MACROD2: variants seen among roughly 807,000 people sequenced by gnomAD.
MACROD2 encodes mono-ADP ribosylhydrolase 2.
A neutral mutation model predicts 70.4 loss-of-function variants in MACROD2; 36 were observed. The ratio of observed to expected loss-of-function variants is 0.51; its 90% CI spans 0.39 to 0.68. MACROD2 has a LOEUF of 0.68. Among genes scored for constraint, MACROD2 ranks in the 30% least tolerant of loss-of-function variants. The probability of loss-of-function intolerance (pLI) is 0.00; values close to 1 mark genes in which losing one functional copy is unlikely to be tolerated. For synonymous variants in MACROD2, 172 were observed against 178.8 expected (o/e 0.96, Z 0.30); for missense variants, 496 against 538.4 (o/e 0.92, Z 0.78).
chr20:15,337,702 CAAAA>C (rs200063463), intron 6 of MACROD2, among the ~76,000 whole-genome samples: 2 of 147,332 alleles, frequency 1.4e-5, no homozygotes, highest in South Asian at 2.1e-4. Flanking sequence ...TACAATAGGT[CAAAA>C]AAAAAGAGAA....
At chr20:14,217,014 A>G (rs760910412) in intron 3 of MACROD2, among the ~76,000 whole-genome samples, 9 of 151,984 alleles carry the variant, frequency 5.9e-5, no homozygotes, top group Non-Finnish European at 1.0e-4. Context: ...CTCTTGTCTG[A>G]CTGCTCTGGC....
chr20:14,383,923 C>CAGG lies in MACROD2; in HGVS notation c.272-109555_272-109553dup, dbSNP rs1269678325. ...GTGGTATTTCCATTAAATCATTTAC[C>CAGG]AGGGTTTTATAACAATATGTTACTA... On this transcript the variant is annotated intron_variant, in intron 3 of 17. Coordinates refer to ENST00000684519, the MANE Select transcript of MACROD2 (RefSeq NM_001351661.2). Among the ~76,000 whole-genome samples, 3 of 151,706 alleles carry CAGG rather than the reference C, an allele frequency of 2.0e-5. No individual in the cohort carries two copies. In the East Asian group the frequency reaches 5.8e-4, roughly 29 times the overall value.
At chr20:15,531,236 G>T (rs983727782) in intron 8 of MACROD2, among the ~76,000 whole-genome samples, 4 of 151,160 alleles carry the variant, frequency 2.6e-5, no homozygotes, top group Non-Finnish European at 5.9e-5. Context: ...AAATCCCATT[G>T]TATTTTACTT....
chr20:15,951,960 A>C (rs1479600692), intron 12 of MACROD2, among the ~76,000 whole-genome samples: 1 of 152,150 alleles, frequency 6.6e-6, no homozygotes, highest in Non-Finnish European at 1.5e-5. Flanking sequence ...CTCATCTTAC[A>C]TTACCACATG....
intron 8 of MACROD2, among the ~76,000 whole-genome samples, chr20:15,853,195 A>G (rs2064319438): frequency 6.6e-6 from 1 of 152,158 alleles, no homozygotes; most frequent in South Asian, 2.1e-4. Context: ...TAGGTGTTTT[A>G]GGTACCTTAT....
chr20:14,193,134 C>T (rs553989244), intron 3 of MACROD2, among the ~76,000 whole-genome samples: 1 of 152,312 alleles, frequency 6.6e-6, no homozygotes, highest in Admixed American at 6.5e-5. Context: ...GGCCATCACA[C>T]AGAAACTCTG....
At chr20:15,952,391 A>ATTT (rs10637569) in intron 12 of MACROD2, among the ~76,000 whole-genome samples, 4 of 146,730 alleles carry the variant, frequency 2.7e-5, no homozygotes, top group African/African-American at 9.9e-5. Context: ...ATCAGAAACC[A>ATTT]TTTTTTTTTT....
intron 15 of MACROD2, among the ~76,000 whole-genome samples, chr20:16,038,329 A>G (rs939439658): frequency 5.9e-5 from 9 of 151,914 alleles, no homozygotes; most frequent in African/African-American, 2.2e-4. Flanking sequence ...ATCAGACATT[A>G]TCTCTTAAAA....
intron 5 of MACROD2, among the ~76,000 whole-genome samples, chr20:15,134,890 C>T (rs954484778): frequency 3.0e-4 from 45 of 152,000 alleles, no homozygotes; most frequent in African/African-American, 8.4e-4. Flanking sequence ...ATATCACCAC[C>T]GATCCCACAG....
chr20:14,983,669 A>G (rs1421253774), intron 5 of MACROD2, among the ~76,000 whole-genome samples: 2 of 152,174 alleles, frequency 1.3e-5, no homozygotes, highest in Non-Finnish European at 2.9e-5. Flanking sequence ...CCCCACCAAC[A>G]TGGAACTGTA....
intron 5 of MACROD2, among the ~76,000 whole-genome samples, chr20:14,904,233 T>C (rs2073932456): frequency 6.6e-6 from 1 of 152,202 alleles, no homozygotes; most frequent in Non-Finnish European, 1.5e-5. Context: ...AGTCAAATTT[T>C]CCTAAGGCAT....
chr20:14,970,252 G>T (rs1600890453), intron 5 of MACROD2, among the ~76,000 whole-genome samples: 1 of 152,056 alleles, frequency 6.6e-6, no homozygotes, highest in South Asian at 2.1e-4. Flanking sequence ...GACACCTGGG[G>T]ATTATGGGAA....
chr20:14,015,327 A>G (rs1369892791), intron 2 of MACROD2, among the ~76,000 whole-genome samples: 1 of 152,172 alleles, frequency 6.6e-6, no homozygotes, highest in Non-Finnish European at 1.5e-5. Context: ...TGCTCCTGTA[A>G]TCCCAGCTAC....
intron 9 of MACROD2, among the ~76,000 whole-genome samples, chr20:15,884,850 A>T (rs535069014): frequency 1.4e-4 from 21 of 152,178 alleles, no homozygotes; most frequent in Admixed American, 1.2e-3. Flanking sequence ...GTGCTGGCAG[A>T]TTCGGTGTCT....
intron 3 of MACROD2, among the ~76,000 whole-genome samples, chr20:14,100,719 TTTATATA>T (rs1209299220): frequency 1.9e-3 from 14 of 7,414 alleles, no homozygotes; most frequent in African/African-American, 2.7e-3. Flanking sequence ...TATATATACA[TTTATATA>T]TAATATATAT....
At chr20:14,025,764 T>C (rs1382238305) in intron 2 of MACROD2, among the ~76,000 whole-genome samples, 1 of 152,152 alleles carries the variant, frequency 6.6e-6, no homozygotes, top group Non-Finnish European at 1.5e-5. Context: ...TTACTTTCAA[T>C]TATGCGGTCA....
intron 5 of MACROD2, among the ~76,000 whole-genome samples, chr20:15,074,615 G>A (rs2075644140): frequency 6.6e-6 from 1 of 152,300 alleles, no homozygotes; most frequent in South Asian, 2.1e-4. Context: ...ACCTGAACCT[G>A]TGGTATCTGG....
chr20:14,978,938 A>C (rs1016757934), intron 5 of MACROD2, among the ~76,000 whole-genome samples: 8 of 142,980 alleles, frequency 5.6e-5, no homozygotes, highest in South Asian at 2.1e-4. Flanking sequence ...TATATATCAT[A>C]ATATATATAA....
chr20:14,776,838 G>A (rs960346988), intron 5 of MACROD2, among the ~76,000 whole-genome samples: 14 of 151,806 alleles, frequency 9.2e-5, no homozygotes, highest in African/African-American at 1.2e-4. Context: ...CTATCCTCCC[G>A]CAATGAAGTG....
Sources: allele counts gnomAD v4.1 joint callset (sites outside exome capture counted in the v4.1 genomes callset), GRCh38; gene constraint gnomAD v4.1.1; transcripts MANE v1.5; gene names NCBI Gene and HGNC (gene_info 2026-07-23, HGNC 2026-07-21).